Variants in PDE4D observed in about 807,000 individuals in gnomAD.
The protein encoded by PDE4D is 3',5'-cyclic-AMP phosphodiesterase 4D.
In PDE4D, 24 loss-of-function variants were observed where a neutral mutation model predicts 87.4. That is an observed-to-expected ratio of 0.27 (90% CI 0.20 to 0.39). PDE4D has a LOEUF of 0.39. PDE4D is among the 10% of genes least tolerant of loss of function. PDE4D has a pLI of 1.00. For missense variants in PDE4D, 714 were observed against 1,041.0 expected, an observed-to-expected ratio of 0.69 and a Z score of 4.32; for synonymous variants, 384 against 383.2, an observed-to-expected ratio of 1.00 and a Z score of -0.02.
intron 1 of PDE4D, among the ~76,000 whole-genome samples, chr5:60,289,811 G>A (rs1030762728): frequency 4.6e-5 from 7 of 152,098 alleles, no homozygotes; most frequent in African/African-American, 1.7e-4. Context: ...AAAGGTACCA[G>A]GAAACCCCAA....
intron 2 of PDE4D, among the ~76,000 whole-genome samples, chr5:60,134,918 G>T (rs1487331641): frequency 6.6e-6 from 1 of 152,094 alleles, no homozygotes; most frequent in African/African-American, 2.4e-5. Flanking sequence ...AAGGATTCAG[G>T]ATTTACACCC....
At chr5:60,235,545 C>G (rs1472481269) in intron 1 of PDE4D, among the ~76,000 whole-genome samples, 1 of 151,724 alleles carries the variant, frequency 6.6e-6, no homozygotes, top group Admixed American at 6.6e-5. Context: ...CGCTCCACAT[C>G]TCTTACTCTA....
chr5:59,040,965 C>T (rs1232521095), intron 5 of PDE4D, among the ~76,000 whole-genome samples: 1 of 152,134 alleles, frequency 6.6e-6, no homozygotes, highest in Non-Finnish European at 1.5e-5. Context: ...ACATGTGCCA[C>T]GTGGCTTATT....
chr5:60,508,231 C>A (rs1443837847), intron 1 of PDE4D, among the ~76,000 whole-genome samples: 1 of 152,194 alleles, frequency 6.6e-6, no homozygotes, highest in Non-Finnish European at 1.5e-5. Flanking sequence ...CCAGCCAAAA[C>A]CTTCTTTGAC....
chr5:60,319,450 G>A (rs1017945208), intron 1 of PDE4D, among the ~76,000 whole-genome samples: 4 of 152,166 alleles, frequency 2.6e-5, no homozygotes, highest in African/African-American at 9.7e-5. Flanking sequence ...TTAGCTCAGA[G>A]TAGTTTGATT....
chr5:59,755,016 G>A (rs1271041874), intron 1 of PDE4D, among the ~76,000 whole-genome samples: 2 of 152,032 alleles, frequency 1.3e-5, no homozygotes, highest in African/African-American at 4.8e-5. Flanking sequence ...AGTATCAGTG[G>A]TTCAGGTTGG....
intron 5 of PDE4D, among the ~76,000 whole-genome samples, chr5:59,108,019 T>C (rs911706223): frequency 2.6e-5 from 4 of 152,210 alleles, no homozygotes; most frequent in Non-Finnish European, 5.9e-5. Flanking sequence ...TGCAGCCATA[T>C]TGGGGACCAT....
At chr5:59,818,148 A>G (rs929315531) in intron 1 of PDE4D, among the ~76,000 whole-genome samples, 8 of 152,206 alleles carry the variant, frequency 5.3e-5, no homozygotes, top group Admixed American at 1.3e-4. Flanking sequence ...TGTCCTTAGA[A>G]GCAAATGGGA....
At chr5:59,722,422 T>G (rs1453709130) in intron 1 of PDE4D, among the ~76,000 whole-genome samples, 1 of 152,192 alleles carries the variant, frequency 6.6e-6, no homozygotes, top group African/African-American at 2.4e-5. Flanking sequence ...TTATTCTAAC[T>G]TAATTTAAAG....
At position 59,075,792 on chromosome 5, in the gene PDE4D, A is replaced by C. The variant is rs1765596216; in HGVS notation, c.809-36821T>G. Among the ~76,000 whole-genome samples, 3 of 152,130 alleles carry C rather than the reference A, an allele frequency of 2.0e-5. 1 individual carries two copies. The South Asian group carries it at 6.2e-4, about 32-fold the overall frequency. On this transcript the variant is annotated intron_variant, in intron 5 of 14. Coordinates refer to ENST00000340635, the MANE Select transcript of PDE4D (RefSeq NM_001104631.2). ...TTAGAATACTGTTTTTATTTTTCTA[A>C]ATATTCCTTATAACTTACTTATTAA...
intron 2 of PDE4D, among the ~76,000 whole-genome samples, chr5:60,095,765 C>T (rs181410654): frequency 6.6e-6 from 1 of 152,266 alleles, no homozygotes; most frequent in Non-Finnish European, 1.5e-5. Context: ...TGTTTCCTGA[C>T]TTTTTAATGA....
At chr5:59,752,014 T>G (rs1760552800) in intron 1 of PDE4D, among the ~76,000 whole-genome samples, 1 of 152,162 alleles carries the variant, frequency 6.6e-6, no homozygotes, top group South Asian at 2.1e-4. Context: ...TCTTAAGTGA[T>G]TCCTAGTACC....
intron 5 of PDE4D, among the ~76,000 whole-genome samples, chr5:59,170,475 G>T (rs1193920236): frequency 3.3e-5 from 5 of 152,166 alleles, no homozygotes; most frequent in Non-Finnish European, 5.9e-5. Flanking sequence ...GTTAGGGCGG[G>T]TCTCACCAGT....
At chr5:59,073,507 C>CGGGG (rs56301552) in intron 5 of PDE4D, among the ~76,000 whole-genome samples, 5,545 of 37,828 alleles carry the variant, frequency 0.15, 279 homozygotes, top group Non-Finnish European at 0.26. Context: ...AAGTGGGGGG[C>CGGGG]GGGGGGGGCG....
intron 1 of PDE4D, among the ~76,000 whole-genome samples, chr5:59,296,414 A>AT (rs199601831): frequency 5.5e-5 from 8 of 146,154 alleles, no homozygotes; most frequent in African/African-American, 1.8e-4. Context: ...TAGCCAATTT[A>AT]TTAAAAAAAA....
intron 1 of PDE4D, among the ~76,000 whole-genome samples, chr5:60,469,290 C>G (rs932845860): frequency 3.9e-5 from 6 of 152,104 alleles, no homozygotes; most frequent in African/African-American, 9.7e-5. Flanking sequence ...CACTCCACCC[C>G]CTCCTGTTCT....
chr5:60,001,725 T>C (rs1387535311), intron 2 of PDE4D, among the ~76,000 whole-genome samples: 1 of 152,012 alleles, frequency 6.6e-6, no homozygotes, highest in African/African-American at 2.4e-5. Context: ...TACAAAAAGA[T>C]GCAAAGCATG....
At chr5:60,397,732 G>T (rs370140783) in intron 1 of PDE4D, among the ~76,000 whole-genome samples, 1 of 152,170 alleles carries the variant, frequency 6.6e-6, no homozygotes, top group Non-Finnish European at 1.5e-5. Flanking sequence ...ATTACACAAG[G>T]TGTTGACTAT....
intron 1 of PDE4D, among the ~76,000 whole-genome samples, chr5:60,355,495 G>A (rs762413661): frequency 3.7e-4 from 57 of 152,214 alleles, no homozygotes; most frequent in Non-Finnish European, 5.3e-4. Flanking sequence ...AACCAGTCCA[G>A]GAATAGAGAA....
Sources: gnomAD v4.1 joint callset for allele counts (sites outside exome capture counted in the v4.1 genomes callset) on GRCh38, gnomAD v4.1.1 for gene constraint, MANE v1.5 for transcripts, NCBI Gene and HGNC (gene_info 2026-07-23, HGNC 2026-07-21) for gene names.